ZNF639: variants seen among roughly 807,000 people sequenced by gnomAD.
ZNF639 encodes the protein zinc finger protein 639, also known as zinc finger amplified in esophageal squamous cell carcinomas 1.
ZNF639 carries 20 observed loss-of-function variants against 39.8 expected under a neutral mutation model. The ratio of observed to expected loss-of-function variants is 0.50; its 90% CI spans 0.35 to 0.73. The LOEUF is 0.73. Ranked by LOEUF, ZNF639 falls within the 30% of genes least tolerant of loss-of-function variation. ZNF639 has a pLI of 0.00. For synonymous variants in ZNF639, 176 were observed against 189.8 expected, an observed-to-expected ratio of 0.93 and a Z score of 0.60; for missense variants, 477 against 566.2, an observed-to-expected ratio of 0.84 and a Z score of 1.60.
At chr3:179,329,487 A>C (rs1273202078) in intron 3 of ZNF639, 131 bp from the exon 4 acceptor site, 1 of 570,740 alleles carries the variant, frequency 1.8e-6, no homozygotes, top group African/African-American at 2.0e-5. Flanking sequence ...TTAAAAGTTG[A>C]AAATGTATAA....
At chr3:179,329,192 C>G (rs1399715936) in intron 3 of ZNF639, among the ~76,000 whole-genome samples, 1 of 152,132 alleles carries the variant, frequency 6.6e-6, no homozygotes, top group Admixed American at 6.5e-5. Flanking sequence ...GCTTACTGGC[C>G]CTTCCTAGAC....
rs1728096192 is a variant in ZNF639 at position 179,334,292 on chromosome 3, T to C, written c.1328T>C (p.Ile443Thr). Residue 443 changes from isoleucine (I) to threonine (T), a missense_variant, in exon 6 of 6, where the codon ATT becomes ACT. Ile to Thr is a moderately conservative substitution (Grantham distance 89). Coordinates refer to ENST00000496856, the MANE Select transcript of ZNF639 (RefSeq NM_001303426.2). ...TATTGTGAATATTCAACAGGACAAA[T>C]TGAAGATCTTAAAATTCATCTAGAT... ...CQYCEYSTGQIEDLKIHLDFK... is the reference protein window; with the variant it reads ...CQYCEYSTGQTEDLKIHLDFK... 2 of 1,613,050 alleles carry C rather than the reference T, an allele frequency of 1.2e-6. No homozygotes were observed. Among genetic ancestry groups the C allele is most frequent in the Non-Finnish European group, 1.7e-6 (2 of 1,179,494 alleles).
chr3:179,324,064 GT>G (rs146110236), intron 1 of ZNF639, among the ~76,000 whole-genome samples: 5,728 of 152,180 alleles, frequency 0.038, 335 homozygotes, highest in African/African-American at 0.12. Context: ...CCTGCAACAT[GT>G]TTTTGTTTCA....
chr3:179,328,095 C>T, intron 2 of ZNF639, 188 bp from the exon 3 acceptor site: 1 of 413,130 alleles, frequency 2.4e-6, no homozygotes, highest in East Asian at 4.0e-5. Flanking sequence ...TCAGTTTCTG[C>T]CTTGAAACCT....
At chr3:179,324,203 A>G (rs370306534) in intron 1 of ZNF639, among the ~76,000 whole-genome samples, 20 of 152,360 alleles carry the variant, frequency 1.3e-4, no homozygotes, top group African/African-American at 4.1e-4. Flanking sequence ...GGAAGAATAT[A>G]CATTGCATGA....
In ZNF639 at chr3:179,324,328, G is replaced by A. The variant is rs1002776101; in HGVS notation, c.-83+1037G>A. The stretch of plus-strand genomic sequence containing the variant: ...AAAAAATGACAGGTGGAAAGATGTT[G>A]GTTTCTAGGTGATATAAAAAATTTT... On this transcript the variant is annotated intron_variant, in intron 1 of 5. Transcript: ENST00000496856. Among the ~76,000 whole-genome samples the A allele has an allele frequency of 5.3e-5, 8 of 151,988 alleles. 1 individual carries two copies. Among genetic ancestry groups the A allele is most frequent in the Admixed American group, 1.3e-4 (2 of 15,246 alleles).
intron 1 of ZNF639, among the ~76,000 whole-genome samples, chr3:179,326,871 T>C (rs1393020644): frequency 2.0e-5 from 3 of 151,888 alleles, no homozygotes; most frequent in African/African-American, 7.3e-5. Context: ...AAATAAATAA[T>C]CTATAAGGGC....
chr3:179,334,344 TA>T lies in ZNF639; in HGVS notation c.1383del (p.Lys461AsnfsTer6). ...DFKHSADLPH[K>X]CSDCLMRFGN... ...TCAAGCATTCAGCTGACTTGCCTCA[TA>T]AATGTAGTGACTGCTTGATGAGGTT... is the stretch of plus-strand genomic sequence containing the variant. On this transcript the variant is annotated frameshift_variant, in exon 6 of 6. Coordinates refer to ENST00000496856, the MANE Select transcript of ZNF639 (RefSeq NM_001303426.2). LOFTEE classifies it high-confidence loss of function. The T allele has an allele frequency of 6.2e-7, 1 of 1,610,782 alleles. No individual in the cohort carries two copies. Among genetic ancestry groups the T allele is most frequent in the Non-Finnish European group, 8.5e-7 (1 of 1,178,804 alleles).
intron 1 of ZNF639, among the ~76,000 whole-genome samples, chr3:179,324,003 A>G (rs1449403117): frequency 6.6e-6 from 1 of 152,228 alleles, no homozygotes; most frequent in Non-Finnish European, 1.5e-5. Flanking sequence ...GTGATATTGC[A>G]GTAAAGACTG....
chr3:179,326,826 A>G (rs1576987665), intron 1 of ZNF639, among the ~76,000 whole-genome samples: 4 of 151,506 alleles, frequency 2.6e-5, no homozygotes, highest in East Asian at 3.9e-4. Context: ...GGATTTCACC[A>G]TATTGGCCAG....
At position 179,332,989 on chromosome 3, in the gene ZNF639, A is replaced by G. The variant is rs1208461808; in HGVS notation, c.170A>G (p.Asp57Gly). 5.8e-6 allele frequency: 9 copies of G among 1,543,958 alleles called. No individual in the cohort carries two copies. The highest frequency in any genetic ancestry group is 2.1e-5 in the Admixed American group (1 of 48,570). The change falls in exon 5 of 6, where the codon GAT becomes GGT. Residue 57 changes from aspartate (D) to glycine (G), a missense_variant and splice_region_variant. Transcript: ENST00000496856. ...QPDLKYFDNK[D>G]DDSDTETSND... ...TATTCTTCCAAATCCCTTTTTACAG[A>G]TGATGATTCTGATACCGAGACGTCA... is the stretch of plus-strand genomic sequence containing the variant.
rs148369350 is a variant in ZNF639 at position 179,326,902 on chromosome 3, A to G, written c.-82-659A>G. Among the ~76,000 whole-genome samples the G allele has an allele frequency of 3.3e-3, 497 of 151,912 alleles. 4 individuals are homozygous for G. Among genetic ancestry groups the G allele is most frequent in the African/African-American group, 0.012 (477 of 41,406 alleles). ...AGGGCTGTAACAGTTTAAAGTTTAT[A>G]ATTTGGGCCAGGCAAGGTGACTCAC... is the stretch of plus-strand genomic sequence containing the variant. On this transcript the variant is annotated intron_variant, in intron 1 of 5. Coordinates refer to ENST00000496856, the MANE Select transcript of ZNF639 (RefSeq NM_001303426.2).
rs923558445 is a variant in ZNF639 at position 179,323,156 on chromosome 3, C to G, written c.-218C>G. The G allele has an allele frequency of 5.1e-6, 5 of 984,440 alleles. No homozygotes were observed. The African/African-American group carries it at 7.0e-5, about 14-fold the overall frequency. The allele number at this position is 984,440 out of a possible 1,614,324, so 61.0% of individuals were successfully genotyped here. On this transcript the variant is annotated 5_prime_UTR_variant, in exon 1 of 6. Coordinates refer to ENST00000496856, the MANE Select transcript of ZNF639 (RefSeq NM_001303426.2). ...GAGAGGGGTCGGCCCAGCACAGCGT[C>G]CGGGAGCGCTAGGGCCGGAGCAGCG... is the stretch of plus-strand genomic sequence containing the variant.
Position 179,323,244 on chromosome 3 carries a change from C to T in ZNF639, c.-130C>T. 1.0e-6 allele frequency: 1 copy of T among 985,344 alleles called. No homozygotes were observed. Among genetic ancestry groups the T allele is most frequent in the Non-Finnish European group, 1.2e-6 (1 of 830,040 alleles). The allele number at this position is 985,344 out of a possible 1,614,324, so 61.0% of individuals were successfully genotyped here. A position where few individuals can be genotyped will look rare whatever the true frequency, so the allele number is the denominator to read the frequency against. Reference sequence around the variant, plus strand: ...GCCCCTCCGCCTGCGCTCTCGGCCGCCGCCGCCTCTGCGTGGGCCGGCCGG... The same window carrying T: ...GCCCCTCCGCCTGCGCTCTCGGCCGTCGCCGCCTCTGCGTGGGCCGGCCGG... On this transcript the variant is annotated 5_prime_UTR_variant, in exon 1 of 6. Transcript: ENST00000496856.
At position 179,334,624 on chromosome 3, in the gene ZNF639, AG is replaced by A; in HGVS notation, c.*203del. 1 of 324,470 alleles carries A rather than the reference AG, an allele frequency of 3.1e-6. No homozygotes were observed. The highest frequency in any genetic ancestry group is 5.5e-6 in the Non-Finnish European group (1 of 181,446). The allele number at this position is 324,470 out of a possible 1,614,324, so 20.1% of individuals were successfully genotyped here. A position where few individuals can be genotyped will look rare whatever the true frequency, so the allele number is the denominator to read the frequency against. ...AATGTGGTATTTTCAATTGCGTGAT[AG>A]TTTGTAGTTTCAACCACTCTTGGTG... On this transcript the variant is annotated 3_prime_UTR_variant, in exon 6 of 6. Transcript: ENST00000496856.
At chr3:179,329,887 AAAGC>A in intron 4 of ZNF639, 159 bp downstream of exon 4, 1 of 423,698 alleles carries the variant, frequency 2.4e-6, no homozygotes, top group Admixed American at 4.4e-5. Context: ...TTTTTTTAAG[AAAGC>A]AAGTAATTTT....
At chr3:179,328,149 A>C in intron 2 of ZNF639, 134 bp from the exon 3 acceptor site, 3 of 532,422 alleles carry the variant, frequency 5.6e-6, no homozygotes. Flanking sequence ...ATCATTTAAC[A>C]CTTTTCTTAT....
Position 179,336,674 on chromosome 3 carries a change from T to C in ZNF639, c.*2252T>C, listed in dbSNP as rs921336904. The C allele has an allele frequency of 1.3e-5, 2 of 152,248 alleles. No individual in the cohort carries two copies. Among genetic ancestry groups the C allele is most frequent in the African/African-American group, 4.8e-5 (2 of 41,472 alleles). The allele number at this position is 152,248 out of a possible 1,614,324, so 9.4% of individuals were successfully genotyped here. A position where few individuals can be genotyped will look rare whatever the true frequency, so the allele number is the denominator to read the frequency against. Reference sequence around the variant, plus strand: ...AAATGTAGATAGCTATGAGGCCAAGTACATATAACCAGTTATGTCTCATGG... The same window carrying C: ...AAATGTAGATAGCTATGAGGCCAAGCACATATAACCAGTTATGTCTCATGG... On this transcript the variant is annotated 3_prime_UTR_variant, in exon 6 of 6. Coordinates refer to ENST00000496856, the MANE Select transcript of ZNF639 (RefSeq NM_001303426.2).
intron 1 of ZNF639, 86 bp downstream of exon 1, chr3:179,323,377 G>T: frequency 1.0e-6 from 1 of 985,698 alleles, no homozygotes; most frequent in Non-Finnish European, 1.2e-6. Context: ...AACGGGAGAG[G>T]GCGGGAGAGA....
Sources: gnomAD v4.1 joint callset for allele counts (sites outside exome capture counted in the v4.1 genomes callset) on GRCh38, gnomAD v4.1.1 for gene constraint, MANE v1.5 for transcripts, NCBI Gene and HGNC (gene_info 2026-07-23, HGNC 2026-07-21) for gene names.